CFAP206: variants seen among roughly 807,000 people sequenced by gnomAD.
CFAP206 encodes the protein cilia- and flagella-associated protein 206.
A neutral mutation model predicts 65.4 loss-of-function variants in CFAP206; 53 were observed. That is an observed-to-expected ratio of 0.81 (90% CI 0.65 to 1.02). The LOEUF (loss-of-function observed/expected upper bound fraction) is 1.02. CFAP206 is among the 50% of genes least tolerant of loss of function. The probability of loss-of-function intolerance (pLI) is 0.00; values close to 1 mark genes in which losing one functional copy is unlikely to be tolerated. For synonymous variants in CFAP206, 250 were observed against 254.4 expected, an observed-to-expected ratio of 0.98 and a Z score of 0.17; for missense variants, 663 against 753.2, an observed-to-expected ratio of 0.88 and a Z score of 1.40.
chr6:87,446,621 G>T (rs1768445272), intron 11 of CFAP206, among the ~76,000 whole-genome samples: 1 of 152,100 alleles, frequency 6.6e-6, no homozygotes, highest in South Asian at 2.1e-4. Flanking sequence ...TTTGAAATTG[G>T]GTAGCATGAT....
Position 87,415,708 on chromosome 6 carries a change from C to T in CFAP206, c.306C>T (p.His102=). ...TNRVEFLEEH[H]RVLESRLGSV... ...TAGTGGAATTTCTCGAAGAACATCA[C>T]CGGGTCCTAGAGTCTAGATTAGGCT... The change falls in exon 5 of 13, where the codon CAC becomes CAT. Residue 102 remains histidine, a synonymous_variant. Coordinates refer to ENST00000369562, the MANE Select transcript of CFAP206 (RefSeq NM_001031743.3). The T allele has an allele frequency of 6.2e-7, 1 of 1,605,080 alleles. No homozygotes were observed. The highest frequency in any genetic ancestry group is 1.7e-4 in the Middle Eastern group (1 of 6,016).
intron 11 of CFAP206, chr6:87,445,175 CTTTT>C (rs1306635477): frequency 1.1e-5 from 3 of 276,194 alleles, no homozygotes; most frequent in South Asian, 3.6e-5. Context: ...TCTCCCCTTT[CTTTT>C]TTATTTTTAA....
At chr6:87,461,741 T>G (rs146937278) in intron 12 of CFAP206, among the ~76,000 whole-genome samples, 1 of 152,118 alleles carries the variant, frequency 6.6e-6, no homozygotes, top group Non-Finnish European at 1.5e-5. Context: ...TGTAGCCCCT[T>G]TTTAGTATAT....
At chr6:87,428,488 A>G in intron 8 of CFAP206, 138 bp from the exon 9 acceptor site, 6 of 688,586 alleles carry the variant, frequency 8.7e-6, no homozygotes, top group Non-Finnish European at 1.5e-5. Context: ...TCTAAAGTCT[A>G]CTGTCTAAGT....
Position 87,426,642 on chromosome 6 carries a change from C to G in CFAP206, c.957C>G (p.Val319=). ...KSKIAVPTSQ[V]FPIFIALSTL... is the part of the protein sequence containing the mutation. ...AGATAGCGGTCCCAACATCACAAGTCTTTGTAAGTATTTGTCATAAACTTT... is the reference window on the plus strand; with the variant it reads ...AGATAGCGGTCCCAACATCACAAGTGTTTGTAAGTATTTGTCATAAACTTT... The change falls in exon 8 of 13, where the codon GTC becomes GTG. Residue 319 remains valine (V), a synonymous_variant. Transcript: ENST00000369562. 1 of 1,574,492 alleles carries G rather than the reference C, an allele frequency of 6.4e-7. No individual in the cohort carries two copies. The highest frequency in any genetic ancestry group is 2.3e-5 in the East Asian group (1 of 43,480).
chr6:87,432,996 C>G (rs939185185), intron 10 of CFAP206, among the ~76,000 whole-genome samples: 7 of 152,220 alleles, frequency 4.6e-5, no homozygotes, highest in Admixed American at 4.6e-4. Flanking sequence ...TTTCCGATGA[C>G]TTCATTGACT....
chr6:87,436,858 A>G (rs1768276556), intron 11 of CFAP206: 1 of 152,178 alleles, frequency 6.6e-6, no homozygotes, highest in African/African-American at 2.4e-5. Flanking sequence ...CTGAAAATGT[A>G]CTAATTTAAC....
rs1767721867 is a variant in CFAP206, at chr6:87,410,751, A to C, written c.192+83A>C. On this transcript the variant is annotated intron_variant, in intron 3 of 12. Coordinates refer to ENST00000369562, the MANE Select transcript of CFAP206 (RefSeq NM_001031743.3). ...ATTTGTATTAGTCATTATTGCCTTC[A>C]GCTGCATGAAACAAAAGCCCACAAA... 3 of 1,087,090 alleles carry C rather than the reference A, an allele frequency of 2.8e-6. No homozygotes were observed. The Admixed American group carries it at 5.7e-5, about 21-fold the overall frequency. The allele number at this position is 1,087,090 out of a possible 1,614,324, so 67.3% of individuals were successfully genotyped here. A position where few individuals can be genotyped will look rare whatever the true frequency, so the allele number is the denominator to read the frequency against.
chr6:87,434,490 C>T (rs1359373965), intron 10 of CFAP206, among the ~76,000 whole-genome samples: 4 of 129,284 alleles, frequency 3.1e-5, no homozygotes, highest in East Asian at 4.6e-4. Flanking sequence ...AACAATATTT[C>T]TTTTTCTTTT....
intron 11 of CFAP206, among the ~76,000 whole-genome samples, chr6:87,457,546 T>A (rs1768669414): frequency 6.6e-6 from 1 of 152,112 alleles, no homozygotes; most frequent in South Asian, 2.1e-4. Context: ...TAAACAAAGG[T>A]GCCAAGAATA....
intron 11 of CFAP206, among the ~76,000 whole-genome samples, chr6:87,449,436 CA>C (rs34540279): frequency 0.29 from 15,548 of 53,260 alleles, 943 homozygotes; most frequent in African/African-American, 0.39. Context: ...GACTCCATCT[CA>C]AAAAAAAAAA....
intron 11 of CFAP206, among the ~76,000 whole-genome samples, chr6:87,450,219 C>T (rs1338734676): frequency 6.6e-6 from 1 of 152,104 alleles, no homozygotes; most frequent in East Asian, 1.9e-4. Flanking sequence ...GTTACTATAG[C>T]TTTGTAGCAT....
chr6:87,432,457 C>T (rs1323228157), intron 10 of CFAP206, among the ~76,000 whole-genome samples: 1 of 152,158 alleles, frequency 6.6e-6, no homozygotes. Flanking sequence ...TCTCTCCCTC[C>T]CCTCCTGCCT....
At chr6:87,413,981 G>T in intron 4 of CFAP206, 81 bp downstream of exon 4, 1 of 606,342 alleles carries the variant, frequency 1.6e-6, no homozygotes, top group Non-Finnish European at 2.6e-6. Flanking sequence ...GGTTGACAAT[G>T]AATTTAATTG....
At chr6:87,432,627 AAC>A (rs1768179906) in intron 10 of CFAP206, among the ~76,000 whole-genome samples, 1 of 152,192 alleles carries the variant, frequency 6.6e-6, no homozygotes, top group African/African-American at 2.4e-5. Flanking sequence ...TGAACTAGGT[AAC>A]CTTTATGAAA....
At chr6:87,447,476 G>A (rs1455208862) in intron 11 of CFAP206, among the ~76,000 whole-genome samples, 2 of 152,088 alleles carry the variant, frequency 1.3e-5, no homozygotes, top group African/African-American at 2.4e-5. Context: ...GATGAATTAC[G>A]TTTATCGATT....
chr6:87,451,142 C>T (rs1362915404), intron 11 of CFAP206, among the ~76,000 whole-genome samples: 1 of 152,162 alleles, frequency 6.6e-6, no homozygotes, highest in Non-Finnish European at 1.5e-5. Flanking sequence ...AGTTCCTGGG[C>T]AAGTCCTGGT....
chr6:87,435,583 A>G (rs1202215726), intron 11 of CFAP206: 2 of 152,172 alleles, frequency 1.3e-5, no homozygotes, highest in African/African-American at 4.8e-5. Context: ...AAAAATCTCT[A>G]CCGGTTTGGA....
intron 11 of CFAP206, chr6:87,436,001 C>A (rs1768261352): frequency 6.6e-6 from 1 of 151,674 alleles, no homozygotes; most frequent in African/African-American, 2.4e-5. Flanking sequence ...TCTTTCTCTC[C>A]TGTCTCTTGT....
Sources: allele counts gnomAD v4.1 joint callset (sites outside exome capture counted in the v4.1 genomes callset), GRCh38; gene constraint gnomAD v4.1.1; transcripts MANE v1.5; gene names NCBI Gene and HGNC (gene_info 2026-07-23, HGNC 2026-07-21).